Variants in CNTN5 observed in about 807,000 individuals in gnomAD.
CNTN5 encodes the protein contactin-5.
CNTN5 carries 77 observed loss-of-function variants against 129.1 expected under a neutral mutation model. That is an observed-to-expected ratio of 0.60 (90% CI 0.50 to 0.72). CNTN5 has a LOEUF of 0.72. CNTN5 is among the 30% of genes least tolerant of loss of function. The probability of loss-of-function intolerance (pLI) is 0.00; values close to 1 mark genes in which losing one functional copy is unlikely to be tolerated. For missense variants in CNTN5, 1,478 were observed against 1,328.8 expected (o/e 1.11, Z -1.75); for synonymous variants, 509 against 465.6 (o/e 1.09, Z -1.20).
chr11:99,230,971 A>G (rs1178934016), intron 1 of CNTN5, among the ~76,000 whole-genome samples: 1 of 152,186 alleles, frequency 6.6e-6, no homozygotes, highest in Non-Finnish European at 1.5e-5. Flanking sequence ...ATGTCACTAC[A>G]ACAGATAGGA....
intron 3 of CNTN5, among the ~76,000 whole-genome samples, chr11:99,739,015 A>C (rs1943805902): frequency 6.6e-6 from 1 of 152,152 alleles, no homozygotes; most frequent in Admixed American, 6.6e-5. Context: ...TAGACGATAG[A>C]TTAAGAGTTC....
At chr11:99,551,810 C>A (rs1214343513) in intron 2 of CNTN5, among the ~76,000 whole-genome samples, 1 of 151,956 alleles carries the variant, frequency 6.6e-6, no homozygotes, top group Admixed American at 6.6e-5. Flanking sequence ...ATATAATTAT[C>A]TTATGGGAAC....
chr11:99,961,449 G>T (rs776724618), intron 8 of CNTN5, among the ~76,000 whole-genome samples: 12 of 152,114 alleles, frequency 7.9e-5, no homozygotes, highest in Non-Finnish European at 1.3e-4. Context: ...GAAGGATTGA[G>T]TTAAAGTATT....
chr11:99,431,770 AG>A (rs1341136984), intron 2 of CNTN5, among the ~76,000 whole-genome samples: 1 of 152,238 alleles, frequency 6.6e-6, no homozygotes, highest in Non-Finnish European at 1.5e-5. Flanking sequence ...AGCAATCCAC[AG>A]GAACAATCTG....
intron 6 of CNTN5, among the ~76,000 whole-genome samples, chr11:99,871,228 A>C (rs11221714): frequency 2.0e-5 from 3 of 152,162 alleles, no homozygotes; most frequent in African/African-American, 7.2e-5. Flanking sequence ...ACAAAAGAGA[A>C]TTTTCAGTGT....
intron 18 of CNTN5, among the ~76,000 whole-genome samples, chr11:100,288,179 G>A (rs1234069010): frequency 6.6e-6 from 1 of 152,140 alleles, no homozygotes; most frequent in African/African-American, 2.4e-5. Context: ...ACAACCCACT[G>A]TCAACATTAG....
chr11:99,127,235 A>G lies in CNTN5; in HGVS notation c.-210+105965A>G, dbSNP rs372299171. On this transcript the variant is annotated intron_variant, in intron 1 of 24. Coordinates refer to ENST00000524871, the MANE Select transcript of CNTN5 (RefSeq NM_014361.4). Reference sequence around the variant, plus strand: ...CCTCACTTACATCCTTACCATTGAAAAAGTAAATTTAAAAATGTATTGCAT... The same window carrying G: ...CCTCACTTACATCCTTACCATTGAAGAAGTAAATTTAAAAATGTATTGCAT... Among the ~76,000 whole-genome samples the G allele has an allele frequency of 7.1e-4, 108 of 152,310 alleles. 1 individual carries two copies. The highest frequency in any genetic ancestry group is 2.5e-3 in the African/African-American group (103 of 41,566).
chr11:100,003,761 TC>T (rs1940023310), intron 9 of CNTN5: 1 of 152,194 alleles, frequency 6.6e-6, no homozygotes, highest in African/African-American at 2.4e-5. Context: ...GTTATTTTCT[TC>T]AACCTTTCTA....
In CNTN5 at chr11:99,036,305, A is replaced by T. The variant is rs1051643534; in HGVS notation, c.-210+15035A>T. ...TGGTCCAATATCTCCTACACATCAGATTTTTTTTTCCCAAGATGGAGTTTC... is the reference window on the plus strand; with the variant it reads ...TGGTCCAATATCTCCTACACATCAGTTTTTTTTTTCCCAAGATGGAGTTTC... On this transcript the variant is annotated intron_variant, in intron 1 of 24. Coordinates refer to ENST00000524871, the MANE Select transcript of CNTN5 (RefSeq NM_014361.4). 1.2e-4 allele frequency among the ~76,000 whole-genome samples: 18 copies of T among 151,330 alleles called. 1 individual carries two copies. Among genetic ancestry groups the T allele is most frequent in the African/African-American group, 3.9e-4 (16 of 41,298 alleles).
chr11:100,233,164 C>T (rs971767140), intron 16 of CNTN5, among the ~76,000 whole-genome samples: 1 of 152,096 alleles, frequency 6.6e-6, no homozygotes, highest in African/African-American at 2.4e-5. Flanking sequence ...GTTTCAATTT[C>T]ATTGATCATG....
rs79101799 is a variant in CNTN5, at chr11:99,533,460, T to C, written c.-70-22685T>C. Among the ~76,000 whole-genome samples, 1,465 of 152,326 alleles carry C rather than the reference T, an allele frequency of 9.6e-3. 26 individuals are homozygous for C. The highest frequency in any genetic ancestry group is 0.033 in the African/African-American group (1,389 of 41,570). On this transcript the variant is annotated intron_variant, in intron 2 of 24. Transcript: ENST00000524871. ...TAAATACCACTCAGTCTCTTGTAAA[T>C]CTTGCCTCCTCACTTGGTTCTGTCA...
intron 3 of CNTN5, among the ~76,000 whole-genome samples, chr11:99,559,721 G>C (rs560351628): frequency 2.0e-5 from 3 of 152,130 alleles, no homozygotes; most frequent in East Asian, 3.9e-4. Context: ...TAACTGATTT[G>C]AAAACTTATA....
Position 100,271,123 on chromosome 11 carries a change from A to T in CNTN5, c.2196A>T (p.Ser732=), listed in dbSNP as rs750063597. Residue 732 remains serine (S), a synonymous_variant, in exon 18 of 25, where the codon TCA becomes TCT. Transcript: ENST00000524871. ...AAATCATAACAGGGGACATGGAGTC[A>T]GCCATGGCTGTGGACCTAAATCCCT... The part of the protein sequence containing the change: ...VPEIITGDME[S]AMAVDLNPWV... 2.1e-5 allele frequency: 34 copies of T among 1,611,768 alleles called. No individual in the cohort carries two copies. The highest frequency in any genetic ancestry group is 2.8e-5 in the Non-Finnish European group (33 of 1,179,130).
At chr11:100,353,583 GTTC>G (rs935363258) in intron 24 of CNTN5, among the ~76,000 whole-genome samples, 1 of 151,566 alleles carries the variant, frequency 6.6e-6, no homozygotes, top group Non-Finnish European at 1.5e-5. Flanking sequence ...GAAAGGATGT[GTTC>G]TTGTTTTTTA....
intron 2 of CNTN5, among the ~76,000 whole-genome samples, chr11:99,537,442 A>G (rs1476728637): frequency 6.6e-6 from 1 of 152,152 alleles, no homozygotes; most frequent in South Asian, 2.1e-4. Flanking sequence ...ATAAATAACT[A>G]GATTCACTGA....
chr11:99,046,883 T>A (rs557821459), intron 1 of CNTN5, among the ~76,000 whole-genome samples: 36 of 152,110 alleles, frequency 2.4e-4, no homozygotes, highest in Non-Finnish European at 2.9e-4. Flanking sequence ...CATTTTAAGA[T>A]AAAGTCTCAT....
At chr11:99,749,276 A>G (rs759755153) in intron 3 of CNTN5, among the ~76,000 whole-genome samples, 5 of 152,206 alleles carry the variant, frequency 3.3e-5, no homozygotes, top group African/African-American at 4.8e-5. Flanking sequence ...GGGGATTAAA[A>G]AAAAGAAAAA....
intron 3 of CNTN5, among the ~76,000 whole-genome samples, chr11:99,807,865 G>A (rs1237434521): frequency 6.6e-6 from 1 of 152,072 alleles, no homozygotes; most frequent in Non-Finnish European, 1.5e-5. Context: ...AGATGATTTT[G>A]TTCTGTAGTG....
chr11:99,275,785 T>C (rs1370737351), intron 1 of CNTN5, among the ~76,000 whole-genome samples: 2 of 151,666 alleles, frequency 1.3e-5, no homozygotes, highest in South Asian at 2.1e-4. Context: ...AGATATAAAG[T>C]GCAAGTGTGC....
Sources: gnomAD v4.1 joint callset for allele counts (sites outside exome capture counted in the v4.1 genomes callset) on GRCh38, gnomAD v4.1.1 for gene constraint, MANE v1.5 for transcripts, NCBI Gene and HGNC (gene_info 2026-07-23, HGNC 2026-07-21) for gene names.